VPS37A: variants seen among roughly 807,000 people sequenced by gnomAD.
VPS37A encodes VPS37A subunit of ESCRT-I.
In VPS37A, 30 loss-of-function variants were observed where a neutral mutation model predicts 49.8. The observed-to-expected ratio is 0.60, with a 90% confidence interval of 0.45 to 0.82. VPS37A has a LOEUF of 0.82. VPS37A is among the 40% of genes least tolerant of loss of function. The pLI is 0.00. For missense variants in VPS37A, 593 were observed against 464.4 expected (o/e 1.28, Z -2.55); for synonymous variants, 195 against 160.6 (o/e 1.21, Z -1.62).
chr8:17,255,823 CG>C (rs1488269875), intron 1 of VPS37A, among the ~76,000 whole-genome samples: 3 of 152,152 alleles, frequency 2.0e-5, no homozygotes, highest in Non-Finnish European at 4.4e-5. Flanking sequence ...TGTCACTTAA[CG>C]TAATGACTTC....
intron 1 of VPS37A, among the ~76,000 whole-genome samples, chr8:17,255,041 A>T (rs1812312100): frequency 6.6e-6 from 1 of 152,164 alleles, no homozygotes; most frequent in African/African-American, 2.4e-5. Flanking sequence ...TTCTCATCAC[A>T]CTGTATGCTC....
chr8:17,268,200 C>T, intron 2 of VPS37A, 58 bp from the exon 3 acceptor site: 5 of 1,179,132 alleles, frequency 4.2e-6, no homozygotes, highest in South Asian at 1.4e-5. Context: ...AGATTTTGAC[C>T]ATATAATGTA....
At chr8:17,254,022 C>G (rs1812209634) in intron 1 of VPS37A, among the ~76,000 whole-genome samples, 1 of 152,022 alleles carries the variant, frequency 6.6e-6, no homozygotes, top group South Asian at 2.1e-4. Flanking sequence ...TTTTGTTGTT[C>G]TGATATTACA....
chr8:17,299,423 G>A (rs192622635), downstream of VPS37A: 37 of 159,914 alleles, frequency 2.3e-4, 1 homozygote, highest in South Asian at 7.1e-4. Context: ...TAAGAGGGTC[G>A]GAAAGGAGGA....
intron 1 of VPS37A, among the ~76,000 whole-genome samples, chr8:17,248,774 A>G (rs540992584): frequency 2.6e-5 from 4 of 152,166 alleles, no homozygotes; most frequent in South Asian, 2.1e-4. Context: ...CGTTGTCTCA[A>G]TTGTTCTGTT....
intron 9 of VPS37A, 25 bp downstream of exon 9, chr8:17,280,468 T>G: frequency 6.4e-7 from 1 of 1,572,052 alleles, no homozygotes. Context: ...TTTTTTCCCT[T>G]TGCCATAGAT....
At chr8:17,303,399 C>G (rs1430757443), downstream of VPS37A, among the ~76,000 whole-genome samples, 3 of 151,998 alleles carry the variant, frequency 2.0e-5, no homozygotes, top group Non-Finnish European at 2.9e-5. Flanking sequence ...GGGAGAAAAG[C>G]CATCAAGTCT....
chr8:17,293,593 TTTATCTACC>T (rs1816341623), intron 11 of VPS37A, among the ~76,000 whole-genome samples: 1 of 152,182 alleles, frequency 6.6e-6, no homozygotes, highest in Admixed American at 6.5e-5. Context: ...TCTTCATGGA[TTTATCTACC>T]TTTGTTCTTT....
intron 1 of VPS37A, among the ~76,000 whole-genome samples, chr8:17,254,124 A>G (rs11991741): frequency 0.096 from 14,574 of 152,060 alleles, 1,057 homozygotes; most frequent in African/African-American, 0.2. Flanking sequence ...TTTTTTATTC[A>G]AACCTTTATG....
rs1563257914 is a variant in VPS37A, at chr8:17,268,847, T to C, written c.316-9T>C. The C allele has an allele frequency of 1.3e-6, 2 of 1,571,814 alleles. No homozygotes were observed. The highest frequency in any genetic ancestry group is 1.7e-6 in the Non-Finnish European group (2 of 1,148,242). The stretch of plus-strand genomic sequence containing the variant: ...AGTGATTTTAAGCGTCATGTATTGT[T>C]ACTTTCAGTTTACAATGCACTCAGA... On this transcript the variant is annotated splice_polypyrimidine_tract_variant and intron_variant, in intron 3 of 11. Coordinates refer to ENST00000324849, the MANE Select transcript of VPS37A (RefSeq NM_152415.3).
chr8:17,332,502 G>A, the VPS37A span, among the ~76,000 whole-genome samples: 1 of 152,188 alleles, frequency 6.6e-6, no homozygotes, highest in African/African-American at 2.4e-5. Context: ...AGATCACACA[G>A]CAGACAGACA....
At chr8:17,277,026 T>C (rs1343261378) in intron 6 of VPS37A, among the ~76,000 whole-genome samples, 1 of 152,148 alleles carries the variant, frequency 6.6e-6, no homozygotes, top group African/African-American at 2.4e-5. Context: ...GCACCCTTTA[T>C]ACCCCCATTG....
intron 1 of VPS37A, among the ~76,000 whole-genome samples, chr8:17,254,664 A>G (rs1266526263): frequency 6.6e-6 from 1 of 150,674 alleles, no homozygotes; most frequent in East Asian, 1.9e-4. Context: ...CCTTTCTTAC[A>G]TGTAATCCTT....
chr8:17,296,614 T>C lies in VPS37A; in HGVS notation c.*1628T>C, dbSNP rs1372528179. On this transcript the variant is annotated 3_prime_UTR_variant, in exon 12 of 12. Transcript: ENST00000324849. Reference sequence around the variant, plus strand: ...GGAGGAGCATACCACAGCCCCTCATTTGATTAATTCATTTGATCTATCTAT... The same window carrying C: ...GGAGGAGCATACCACAGCCCCTCATCTGATTAATTCATTTGATCTATCTAT... The C allele has an allele frequency of 6.6e-6, 1 of 152,160 alleles. No homozygotes were observed. The highest frequency in any genetic ancestry group is 6.6e-5 in the Admixed American group (1 of 15,262). The allele number at this position is 152,160 out of a possible 1,614,324, so 9.4% of individuals were successfully genotyped here. A position where few individuals can be genotyped will look rare whatever the true frequency, so the allele number is the denominator to read the frequency against.
chr8:17,264,634 A>G (rs1323086505), intron 1 of VPS37A, among the ~76,000 whole-genome samples: 4 of 152,202 alleles, frequency 2.6e-5, no homozygotes, highest in Non-Finnish European at 5.9e-5. Flanking sequence ...GTTTTTATCA[A>G]AGGACCAAAA....
chr8:17,248,431 T>G, intron 1 of VPS37A: 1 of 453,038 alleles, frequency 2.2e-6, no homozygotes, highest in South Asian at 1.6e-5. Flanking sequence ...CGCGCCACCA[T>G]GCGCGGCTAA....
At chr8:17,307,555 T>G in the VPS37A span, among the ~76,000 whole-genome samples, 3 of 152,182 alleles carry the variant, frequency 2.0e-5, no homozygotes, top group African/African-American at 7.2e-5. Context: ...CAAAGGATTA[T>G]AAATCATGCT....
chr8:17,250,987 A>G (rs755942230), intron 1 of VPS37A, among the ~76,000 whole-genome samples: 1 of 152,194 alleles, frequency 6.6e-6, no homozygotes, highest in African/African-American at 2.4e-5. Flanking sequence ...TTTATCACCA[A>G]AACTCCTGAC....
chr8:17,317,428 T>C, the VPS37A span, among the ~76,000 whole-genome samples: 1 of 152,220 alleles, frequency 6.6e-6, no homozygotes, highest in South Asian at 2.1e-4. Flanking sequence ...GCTGGGGCAG[T>C]AACCATGGGT....
Sources: allele counts gnomAD v4.1 joint callset (sites outside exome capture counted in the v4.1 genomes callset), GRCh38; gene constraint gnomAD v4.1.1; transcripts MANE v1.5; gene names NCBI Gene and HGNC (gene_info 2026-07-23, HGNC 2026-07-21).